Variants in TNFRSF8 observed in about 807,000 individuals in gnomAD.
TNFRSF8 encodes the protein tumor necrosis factor receptor superfamily member 8.
Under a neutral mutation model 70.8 loss-of-function variants are expected in TNFRSF8, and 26 were observed. The observed-to-expected ratio is 0.37, with a 90% CI of 0.27 to 0.51. The LOEUF is 0.51. TNFRSF8 is among the 20% of genes least tolerant of loss of function. The probability of loss-of-function intolerance (pLI) is 0.94; values close to 1 mark genes in which losing one functional copy is unlikely to be tolerated. For synonymous variants in TNFRSF8, 356 were observed against 339.2 expected (o/e 1.05, Z -0.54); for missense variants, 720 against 807.9 (o/e 0.89, Z 1.32).
chr1:12,103,477 A>AT (rs935039226), intron 3 of TNFRSF8, among the ~76,000 whole-genome samples: 2 of 151,876 alleles, frequency 1.3e-5, no homozygotes, highest in African/African-American at 4.8e-5. Flanking sequence ...AGTTTCCCCT[A>AT]TTTTTTGTTT....
Position 12,119,140 on chromosome 1 carries a change from C to T in TNFRSF8, c.946+3411C>T, listed in dbSNP as rs915848782. Among the ~76,000 whole-genome samples, 1 of 152,160 alleles carries T rather than the reference C, an allele frequency of 6.6e-6. No individual in the cohort carries two copies. The highest frequency in any genetic ancestry group is 2.1e-4 in the South Asian group (1 of 4,828). On this transcript the variant is annotated intron_variant, in intron 8 of 14. Transcript: ENST00000263932. The surrounding 1 kb of genome is among the most constrained non-coding windows in gnomAD (Gnocchi z 4.4). ...GGCCTCGCAAAAGTGCTGGGATTACCGGCGTGAGCCACTGCGCCCGGCCAT... is the reference window on the plus strand; with the variant it reads ...GGCCTCGCAAAAGTGCTGGGATTACTGGCGTGAGCCACTGCGCCCGGCCAT...
Position 12,142,038 on chromosome 1 carries a change from G to A in TNFRSF8, c.1544-249G>A, listed in dbSNP as rs755398. Among the ~76,000 whole-genome samples the A allele has an allele frequency of 6.6e-6, 1 of 151,924 alleles. No individual in the cohort carries two copies. Among genetic ancestry groups the A allele is most frequent in the African/African-American group, 2.4e-5 (1 of 41,338 alleles). On this transcript the variant is annotated intron_variant, in intron 14 of 14. Transcript: ENST00000263932. This position sits in a 1 kb window ranked among gnomAD's most constrained non-coding sequence, Gnocchi z 5.0. Reference sequence around the variant, plus strand: ...CTGTCCTCTTCTTCCCTACCCATCCGCAGAGATGTGCTGAGAAAATCCTAA... The same window carrying A: ...CTGTCCTCTTCTTCCCTACCCATCCACAGAGATGTGCTGAGAAAATCCTAA...
At chr1:12,098,510 C>T (rs11576403) in intron 3 of TNFRSF8, among the ~76,000 whole-genome samples, 8,639 of 152,140 alleles carry the variant, frequency 0.057, 333 homozygotes, top group Non-Finnish European at 0.079. Flanking sequence ...AGCCTGTACA[C>T]ACTTACAAAG....
At chr1:12,072,752 G>T (rs1640869505) in intron 1 of TNFRSF8, among the ~76,000 whole-genome samples, 1 of 152,182 alleles carries the variant, frequency 6.6e-6, no homozygotes, top group Non-Finnish European at 1.5e-5. Flanking sequence ...CAGAGAGTGC[G>T]TGCACAGATA....
chr1:12,106,227 G>A (rs1424263856), intron 4 of TNFRSF8, among the ~76,000 whole-genome samples: 1 of 152,088 alleles, frequency 6.6e-6, no homozygotes, highest in Non-Finnish European at 1.5e-5. Flanking sequence ...GGCTCCACCT[G>A]CGCTGCCCTT....
intron 2 of TNFRSF8, among the ~76,000 whole-genome samples, chr1:12,096,834 G>A (rs541370674): frequency 8.5e-5 from 13 of 152,194 alleles, no homozygotes; most frequent in Non-Finnish European, 1.6e-4. Context: ...TCATTATCAC[G>A]CAATTGGCAA....
In TNFRSF8 at chr1:12,063,693, C is replaced by T. The variant is rs1361055911; in HGVS notation, c.63+32C>T. 7.9e-7 allele frequency: 1 copy of T among 1,265,070 alleles called. No individual in the cohort carries two copies. The highest frequency in any genetic ancestry group is 1.0e-6 in the Non-Finnish European group (1 of 996,290). The allele number at this position is 1,265,070 out of a possible 1,614,324, so 78.4% of individuals were successfully genotyped here. A position where few individuals can be genotyped will look rare whatever the true frequency, so the allele number is the denominator to read the frequency against. On this transcript the variant is annotated intron_variant, in intron 1 of 14. Transcript: ENST00000263932. The surrounding 1 kb of genome is among the most constrained non-coding windows in gnomAD (Gnocchi z 7.2). Reference sequence around the variant, plus strand: ...GGGTGACGGGCGCCTGGGGAGGTGCCGGCGGTCCAGAGCCCGGACAGTGTG... The same window carrying T: ...GGGTGACGGGCGCCTGGGGAGGTGCTGGCGGTCCAGAGCCCGGACAGTGTG...
At chr1:12,105,528 C>T (rs1160481910) in intron 4 of TNFRSF8, among the ~76,000 whole-genome samples, 1 of 64,914 alleles carries the variant, frequency 1.5e-5, no homozygotes, top group Non-Finnish European at 3.4e-5. Context: ...GAATCTGATC[C>T]TCTCTCTCTC....
At chr1:12,083,520 C>T (rs1299657082) in intron 1 of TNFRSF8, among the ~76,000 whole-genome samples, 1 of 152,148 alleles carries the variant, frequency 6.6e-6, no homozygotes, top group African/African-American at 2.4e-5. Context: ...GAAACTCTCT[C>T]TGCTAAAAAT....
At position 12,108,087 on chromosome 1, in the gene TNFRSF8, T is replaced by A. The variant is rs372031594; in HGVS notation, c.422-1479T>A. The stretch of plus-strand genomic sequence containing the variant: ...ATACAGGCCACCATTTTTTTATTTT[T>A]TTTTTTTTTGTGATGGAGCCTCGAT... On this transcript the variant is annotated intron_variant, in intron 4 of 14. Coordinates refer to ENST00000263932, the MANE Select transcript of TNFRSF8 (RefSeq NM_001243.5). This position sits in a 1 kb window ranked among gnomAD's most constrained non-coding sequence, Gnocchi z 4.0. Among the ~76,000 whole-genome samples the A allele has an allele frequency of 1.6e-3, 235 of 151,394 alleles. 1 individual carries two copies. The highest frequency in any genetic ancestry group is 0.01 in the Middle Eastern group (3 of 294).
At chr1:12,116,787 G>A (rs1478629400) in intron 8 of TNFRSF8, among the ~76,000 whole-genome samples, 2 of 152,042 alleles carry the variant, frequency 1.3e-5, no homozygotes, top group African/African-American at 4.8e-5. Context: ...GCAACAGGGC[G>A]AAACTCTGCC....
At chr1:12,099,962 A>T (rs1447137298) in intron 3 of TNFRSF8, among the ~76,000 whole-genome samples, 1 of 152,146 alleles carries the variant, frequency 6.6e-6, no homozygotes, top group Non-Finnish European at 1.5e-5. Context: ...TGAGGTCAGG[A>T]GTTCGAGACC....
intron 4 of TNFRSF8, among the ~76,000 whole-genome samples, chr1:12,107,821 ACGC>A (rs1385266337): frequency 6.6e-6 from 1 of 152,032 alleles, no homozygotes; most frequent in Non-Finnish European, 1.5e-5. Context: ...GCCAAGCCCC[ACGC>A]TAAGAGCCTT....
chr1:12,128,278 C>T (rs571704399), intron 12 of TNFRSF8, among the ~76,000 whole-genome samples: 10 of 152,336 alleles, frequency 6.6e-5, no homozygotes, highest in East Asian at 5.8e-4. Flanking sequence ...CAAAGGCAGA[C>T]GGGAGGGGAG....
chr1:12,073,469 CCTTCTTCTTTTCTT>C (rs370766243), intron 1 of TNFRSF8, among the ~76,000 whole-genome samples: 2,003 of 151,618 alleles, frequency 0.013, 41 homozygotes, highest in African/African-American at 0.045. Context: ...CTTTCTTCTT[CCTTCTTCTTTTCTT>C]CTTCCTTCCT....
At chr1:12,090,589 C>G (rs138825040) in intron 2 of TNFRSF8, among the ~76,000 whole-genome samples, 1 of 152,066 alleles carries the variant, frequency 6.6e-6, no homozygotes, top group African/African-American at 2.4e-5. Flanking sequence ...TCCACCCACC[C>G]ACCCACTCAT....
At chr1:12,081,865 G>A (rs368596912) in intron 1 of TNFRSF8, among the ~76,000 whole-genome samples, 5 of 151,954 alleles carry the variant, frequency 3.3e-5, no homozygotes, top group Non-Finnish European at 5.9e-5. Context: ...GCCCCACATC[G>A]CACCAGGGGC....
chr1:12,102,309 G>C (rs1485265190), intron 3 of TNFRSF8, among the ~76,000 whole-genome samples: 1 of 152,170 alleles, frequency 6.6e-6, no homozygotes, highest in Non-Finnish European at 1.5e-5. Flanking sequence ...TGGCTCTGTG[G>C]CATGAGTGAT....
At chr1:12,121,654 C>A (rs1006855976) in intron 8 of TNFRSF8, among the ~76,000 whole-genome samples, 1 of 152,204 alleles carries the variant, frequency 6.6e-6, no homozygotes, top group East Asian at 1.9e-4. Flanking sequence ...CTGGGTCAGA[C>A]CAGTGGTGGC....
Sources: gnomAD v4.1 joint callset for allele counts (sites outside exome capture counted in the v4.1 genomes callset) on GRCh38, gnomAD v4.1.1 for gene constraint, Gnocchi (gnomAD v3.1) non-coding constraint, MANE v1.5 for transcripts, NCBI Gene and HGNC (gene_info 2026-07-23, HGNC 2026-07-21) for gene names.